ZNF595: variants seen among roughly 807,000 people sequenced by gnomAD.
The protein encoded by ZNF595 is zinc finger protein 595.
A neutral mutation model predicts 19.4 loss-of-function variants in ZNF595; 9 were observed. That is an observed-to-expected ratio of 0.46 (90% CI 0.28 to 0.81). The LOEUF is 0.81. Ranked by LOEUF, ZNF595 falls within the 30% of genes least tolerant of loss-of-function variation. The pLI, the probability that ZNF595 is intolerant of heterozygous loss-of-function variation, is 0.11. For missense variants in ZNF595, 729 were observed against 736.0 expected, an observed-to-expected ratio of 0.99 and a Z score of 0.11; for synonymous variants, 255 against 255.9, an observed-to-expected ratio of 1.00 and a Z score of 0.03.
At chr4:66,439 A>C (rs1026525431) in intron 3 of ZNF595, among the ~76,000 whole-genome samples, 10 of 151,578 alleles carry the variant, frequency 6.6e-5, no homozygotes, top group Admixed American at 5.3e-4. Context: ...TAATGTGGAG[A>C]GATAAATTTA....
intron 3 of ZNF595, among the ~76,000 whole-genome samples, chr4:84,650 T>C (rs1343387347): frequency 6.6e-6 from 1 of 152,218 alleles, no homozygotes; most frequent in Non-Finnish European, 1.5e-5. Flanking sequence ...TTTGAAACTT[T>C]GCTTATATAA....
rs572946725 is a variant in ZNF595, at chr4:87,210, G to A, written c.1706G>A (p.Cys569Tyr). The change falls in exon 4 of 4, where the codon TGT becomes TAT. Residue 569 changes from cysteine to tyrosine, a missense_variant. Transcript: ENST00000610261. ...GAGAAACCCTACAAATGCAAAGAAT[G>A]TGGCAAAGCCTATAACTTATCCTCA... ...SGEKPYKCKE[C>Y]GKAYNLSSTL... 1.3e-6 allele frequency: 2 copies of A among 1,595,364 alleles called. No homozygotes were observed. The highest frequency in any genetic ancestry group is 1.3e-5 in the African/African-American group (1 of 74,350).
At chr4:69,957 G>A (rs781903796) in intron 3 of ZNF595, among the ~76,000 whole-genome samples, 1 of 152,172 alleles carries the variant, frequency 6.6e-6, no homozygotes, top group Non-Finnish European at 1.5e-5. Context: ...AAAGTACACT[G>A]ATACACAGAT....
intron 3 of ZNF595, among the ~76,000 whole-genome samples, chr4:82,377 T>TG (rs1713950039): frequency 2.1e-5 from 2 of 94,194 alleles, no homozygotes; most frequent in African/African-American, 5.3e-5. Flanking sequence ...TTGTGGTTTT[T>TG]TTTTTTTTTT....
chr4:60,139 C>T lies in ZNF595; in HGVS notation c.212C>T (p.Ala71Val). The part of the protein sequence containing the change: ...EPCNLKIHET[A>V]AKPPAICSPF... ...TGCAATTTGAAGATACATGAGACAG[C>T]AGCCAAACCCCCAGGTAGGTGAGAC... Residue 71 changes from alanine to valine, a missense_variant, in exon 3 of 4, where the codon GCA becomes GTA. Coordinates refer to ENST00000610261, the MANE Select transcript of ZNF595 (RefSeq NM_182524.4). The T allele has an allele frequency of 1.8e-6, 1 of 566,366 alleles. No homozygotes were observed. Among genetic ancestry groups the T allele is most frequent in the Non-Finnish European group, 3.1e-6 (1 of 326,002 alleles). 35.1% of individuals were successfully genotyped at this position (566,366 alleles called of 1,614,324 possible).
At position 86,082 on chromosome 4, in the gene ZNF595, T is replaced by A. The variant is rs375945394; in HGVS notation, c.578T>A (p.Ile193Asn). ...TCACACCTAACTCAACATACAGGAA[T>A]TCATGCTGGAGAGAAACCCTACAAA... ...YMSHLTQHTG[I>N]HAGEKPYKCE... The change falls in exon 4 of 4, where the codon ATT (isoleucine) becomes AAT (asparagine). Residue 193 changes from isoleucine to asparagine, a missense_variant. Ile to Asn is a moderately radical substitution (Grantham distance 149). Coordinates refer to ENST00000610261, the MANE Select transcript of ZNF595 (RefSeq NM_182524.4). 6.2e-7 allele frequency: 1 copy of A among 1,613,272 alleles called. No homozygotes were observed. The highest frequency in any genetic ancestry group is 2.2e-5 in the East Asian group (1 of 44,868).
chr4:85,219 G>C (rs1289164131), intron 3 of ZNF595, among the ~76,000 whole-genome samples: 2 of 152,184 alleles, frequency 1.3e-5, no homozygotes, highest in African/African-American at 2.4e-5. Context: ...TAACACTGCA[G>C]CCTGCTCCTG....
chr4:72,927 G>A (rs1713490349), intron 3 of ZNF595, among the ~76,000 whole-genome samples: 1 of 152,158 alleles, frequency 6.6e-6, no homozygotes, highest in African/African-American at 2.4e-5. Flanking sequence ...TTTCCTGCAG[G>A]TGTACCAGCC....
intron 3 of ZNF595, among the ~76,000 whole-genome samples, chr4:78,118 C>T (rs1300886903): frequency 2.0e-5 from 3 of 152,162 alleles, no homozygotes; most frequent in African/African-American, 7.2e-5. Flanking sequence ...ACGCCATTCT[C>T]CTGTCTCAGC....
intron 3 of ZNF595, among the ~76,000 whole-genome samples, chr4:84,650 T>A (rs1343387347): frequency 1.3e-5 from 2 of 152,218 alleles, no homozygotes; most frequent in Admixed American, 6.5e-5. Context: ...TTTGAAACTT[T>A]GCTTATATAA....
intron 3 of ZNF595, among the ~76,000 whole-genome samples, chr4:69,317 T>G (rs1201196551): frequency 6.6e-6 from 1 of 152,202 alleles, no homozygotes; most frequent in Non-Finnish European, 1.5e-5. Flanking sequence ...GAGGAACCTC[T>G]AAGCTGTGCT....
intron 3 of ZNF595, among the ~76,000 whole-genome samples, chr4:81,906 T>C (rs1713924232): frequency 6.6e-6 from 1 of 152,194 alleles, no homozygotes; most frequent in Non-Finnish European, 1.5e-5. Flanking sequence ...TTTAATTTAT[T>C]CATTTATTTG....
intron 3 of ZNF595, among the ~76,000 whole-genome samples, chr4:74,660 G>A (rs1242625429): frequency 6.6e-6 from 1 of 152,182 alleles, no homozygotes; most frequent in African/African-American, 2.4e-5. Context: ...GGTCTGGAAA[G>A]GTGGGACAAC....
rs1553801479 is a variant in ZNF595, at chr4:86,362, T to G, written c.858T>G (p.Cys286Trp). Reference protein sequence around the residue: ...KIHTGEKPYKCKECGKAFRWS... With the variant: ...KIHTGEKPYKWKECGKAFRWS... ...ATACTGGAGAGAAACCCTACAAATGTAAAGAATGTGGCAAAGCCTTTAGAT... is the reference window on the plus strand; with the variant it reads ...ATACTGGAGAGAAACCCTACAAATGGAAAGAATGTGGCAAAGCCTTTAGAT... Residue 286 changes from cysteine (C) to tryptophan (W), a missense_variant, in exon 4 of 4, where the codon TGT (cysteine) becomes TGG (tryptophan). Physicochemically the swap from Cys to Trp is radical, Grantham distance 215 (BLOSUM62 -2). This residue lies in a region of ZNF595 where 729 missense variants were observed against 675.3 expected (regional missense o/e 1.08). Transcript: ENST00000610261. 1 of 1,613,556 alleles carries G rather than the reference T, an allele frequency of 6.2e-7. No homozygotes were observed. Among genetic ancestry groups the G allele is most frequent in the Non-Finnish European group, 8.5e-7 (1 of 1,179,838 alleles).
chr4:77,283 T>C (rs1553798883), intron 3 of ZNF595, among the ~76,000 whole-genome samples: 1 of 152,004 alleles, frequency 6.6e-6, no homozygotes, highest in Non-Finnish European at 1.5e-5. Context: ...TTTGGTTCTC[T>C]TTCTTTGCTA....
intron 3 of ZNF595, among the ~76,000 whole-genome samples, chr4:76,174 A>G (rs1260903062): frequency 3.9e-5 from 6 of 152,318 alleles, no homozygotes; most frequent in East Asian, 1.9e-4. Context: ...GATTATCAGC[A>G]TAAGCCATCA....
Position 86,424 on chromosome 4 carries a change from C to G in ZNF595, c.920C>G (p.Thr307Ser). Residue 307 changes from threonine (T) to serine (S), a missense_variant, in exon 4 of 4, where the codon ACT (threonine) becomes AGT (serine). Transcript: ENST00000610261. ...TSLNEHKNIH[T>S]GEKPYKCKEC... ...CTGAATGAACATAAGAATATTCATA[C>G]TGGAGAGAAACCCTACAAATGTAAA... 6.2e-7 allele frequency: 1 copy of G among 1,614,044 alleles called. No individual in the cohort carries two copies.
In ZNF595 at chr4:81,333, T is replaced by C. The variant is rs115371535; in HGVS notation, c.227-4398T>C. On this transcript the variant is annotated intron_variant, in intron 3 of 3. Transcript: ENST00000610261. The stretch of plus-strand genomic sequence containing the variant: ...TCTCTGTTTATCTGTATGCATATTG[T>C]TCCTTATTGTTTATAAGTTGTATAC... Among the ~76,000 whole-genome samples the C allele has an allele frequency of 4.7e-4, 71 of 152,316 alleles. 1 individual carries two copies. The highest frequency in any genetic ancestry group is 3.4e-3 in the Middle Eastern group (1 of 294).
intron 3 of ZNF595, among the ~76,000 whole-genome samples, chr4:70,236 T>C (rs1713370915): frequency 6.6e-6 from 1 of 152,182 alleles, no homozygotes; most frequent in African/African-American, 2.4e-5. Context: ...TTTGAGTCTC[T>C]AATCCATTTT....
Sources: allele counts gnomAD v4.1 joint callset (sites outside exome capture counted in the v4.1 genomes callset), GRCh38; gene constraint gnomAD v4.1.1; regional missense constraint gnomAD v4.1.1; transcripts MANE v1.5; gene names NCBI Gene and HGNC (gene_info 2026-07-23, HGNC 2026-07-21).